FBXL4: variants seen among roughly 807,000 people sequenced by gnomAD.
The protein encoded by FBXL4 is F-box/LRR-repeat protein 4.
In FBXL4, 40 loss-of-function variants were observed where a neutral mutation model predicts 58.9. The ratio of observed to expected loss-of-function variants is 0.68; its 90% CI spans 0.53 to 0.88. The LOEUF (loss-of-function observed/expected upper bound fraction) is 0.88. Ranked by LOEUF, FBXL4 falls within the 40% of genes least tolerant of loss-of-function variation. The pLI is 0.00. For missense variants in FBXL4, 676 were observed against 734.4 expected (o/e 0.92, Z 0.92); for synonymous variants, 263 against 265.5 (o/e 0.99, Z 0.09).
rs1460367020 is a variant in FBXL4, at chr6:98,873,712, T to C, written c.*566A>G. On this transcript the variant is annotated 3_prime_UTR_variant, in exon 10 of 10. Coordinates refer to ENST00000369244, the MANE Select transcript of FBXL4 (RefSeq NM_001278716.2). ...GTAATCCTCCTGCCTCCACCTCCTG[T>C]GTCGCTAGGACTACAAGTGTGTGCC... 1 of 152,228 alleles carries C rather than the reference T, an allele frequency of 6.6e-6. No individual in the cohort carries two copies. Among genetic ancestry groups the C allele is most frequent in the Non-Finnish European group, 1.5e-5 (1 of 68,114 alleles). The allele number at this position is 152,228 out of a possible 1,614,324, so 9.4% of individuals were successfully genotyped here. A position where few individuals can be genotyped will look rare whatever the true frequency, so the allele number is the denominator to read the frequency against.
chr6:98,935,169 ACTTT>A (rs141547053), intron 1 of FBXL4, among the ~76,000 whole-genome samples: 1,979 of 152,284 alleles, frequency 0.013, 35 homozygotes, highest in African/African-American at 0.045. Context: ...TCTTTCCTAG[ACTTT>A]CTTTAACAAG....
At chr6:98,885,164 C>T (rs1009827844) in intron 7 of FBXL4, among the ~76,000 whole-genome samples, 1 of 152,136 alleles carries the variant, frequency 6.6e-6, no homozygotes, top group South Asian at 2.1e-4. Flanking sequence ...AGTGTAGTGG[C>T]ACAATCTCAG....
chr6:98,890,538 CATGT>C (rs1160461595), intron 7 of FBXL4, among the ~76,000 whole-genome samples: 1 of 152,122 alleles, frequency 6.6e-6, no homozygotes, highest in Non-Finnish European at 1.5e-5. Context: ...GTGTAAAATA[CATGT>C]ATAAGTGTAA....
intron 8 of FBXL4, among the ~76,000 whole-genome samples, chr6:98,879,691 CCCAA>C (rs879881847): frequency 0.049 from 7,467 of 151,814 alleles, 254 homozygotes; most frequent in Middle Eastern, 0.12. Context: ...GACCAGCCTA[CCCAA>C]TATGGTGAAA....
At chr6:98,942,759 T>C (rs1429161828) in intron 1 of FBXL4, among the ~76,000 whole-genome samples, 1 of 151,984 alleles carries the variant, frequency 6.6e-6, no homozygotes, top group Non-Finnish European at 1.5e-5. Flanking sequence ...ATTACAACTA[T>C]AGAAAAGAAA....
chr6:98,942,538 C>T (rs1466848576), intron 1 of FBXL4, among the ~76,000 whole-genome samples: 2 of 152,038 alleles, frequency 1.3e-5, no homozygotes, highest in African/African-American at 2.4e-5. Context: ...GCGCATCCCC[C>T]ACTCTCTTCC....
chr6:98,895,164 G>T (rs1771368501), intron 7 of FBXL4, among the ~76,000 whole-genome samples: 1 of 152,112 alleles, frequency 6.6e-6, no homozygotes, highest in South Asian at 2.1e-4. Context: ...TTGAGAGTAG[G>T]CCTATATAAA....
chr6:98,892,868 A>G (rs968618861), intron 7 of FBXL4, among the ~76,000 whole-genome samples: 1 of 152,222 alleles, frequency 6.6e-6, no homozygotes, highest in Non-Finnish European at 1.5e-5. Context: ...ACTGTCATAT[A>G]CTAGTCCCCC....
intron 7 of FBXL4, among the ~76,000 whole-genome samples, chr6:98,894,260 A>G (rs879042497): frequency 2.6e-4 from 40 of 152,324 alleles, no homozygotes; most frequent in African/African-American, 9.1e-4. Context: ...ATCGTACCTA[A>G]TAAGAATCTT....
intron 5 of FBXL4, among the ~76,000 whole-genome samples, chr6:98,911,108 T>C (rs1006149145): frequency 7.9e-5 from 12 of 152,086 alleles, no homozygotes; most frequent in Non-Finnish European, 1.2e-4. Context: ...AACTGCAAGG[T>C]GGCAGCCTGG....
At chr6:98,943,399 C>T (rs1226122986) in intron 1 of FBXL4, among the ~76,000 whole-genome samples, 1 of 151,418 alleles carries the variant, frequency 6.6e-6, no homozygotes, top group African/African-American at 2.4e-5. Context: ...ATGGTGAAGC[C>T]CCATCTCTAC....
At chr6:98,911,673 A>G (rs1014278302) in intron 5 of FBXL4, among the ~76,000 whole-genome samples, 16 of 152,192 alleles carry the variant, frequency 1.1e-4, no homozygotes, top group African/African-American at 3.9e-4. Context: ...CCAAAAACCC[A>G]TCTGTACATC....
intron 5 of FBXL4, among the ~76,000 whole-genome samples, chr6:98,907,198 T>C (rs11969652): frequency 0.013 from 1,984 of 152,290 alleles, 35 homozygotes; most frequent in African/African-American, 0.046. Flanking sequence ...AAAGAGAGTC[T>C]AGTGGCAAAG....
intron 7 of FBXL4, chr6:98,897,128 C>T: frequency 1.0e-6 from 1 of 982,074 alleles, no homozygotes; most frequent in South Asian, 4.7e-5. Flanking sequence ...ATTATGCCTG[C>T]TATATTTCTT....
At position 98,903,307 on chromosome 6, in the gene FBXL4, A is replaced by G. The variant is rs149589969; in HGVS notation, c.1103+2119T>C. ...CAGCAGTCAAGTCATGGGGGCCAAC[A>G]GTAATCAGTAGGCAAAACTCCAATA... On this transcript the variant is annotated intron_variant, in intron 6 of 9. Coordinates refer to ENST00000369244, the MANE Select transcript of FBXL4 (RefSeq NM_001278716.2). Among the ~76,000 whole-genome samples, 7 of 152,272 alleles carry G rather than the reference A, an allele frequency of 4.6e-5. 1 individual carries two copies. Among genetic ancestry groups the G allele is most frequent in the African/African-American group, 1.7e-4 (7 of 41,572 alleles).
At chr6:98,893,133 AC>A (rs1771286328) in intron 7 of FBXL4, among the ~76,000 whole-genome samples, 1 of 152,168 alleles carries the variant, frequency 6.6e-6, no homozygotes, top group African/African-American at 2.4e-5. Flanking sequence ...ACAGGTTCAA[AC>A]TTCTAAAACT....
chr6:98,915,057 C>T (rs1562238340), intron 5 of FBXL4, among the ~76,000 whole-genome samples: 1 of 152,202 alleles, frequency 6.6e-6, no homozygotes, highest in Non-Finnish European at 1.5e-5. Context: ...CATGATTGAA[C>T]TCCCATTCAC....
At chr6:98,944,606 C>G (rs367784833) in intron 1 of FBXL4, among the ~76,000 whole-genome samples, 1 of 152,136 alleles carries the variant, frequency 6.6e-6, no homozygotes, top group Non-Finnish European at 1.5e-5. Context: ...CACTGACGGC[C>G]TTTATTTTTT....
In FBXL4 at chr6:98,872,904, C is replaced by T. The variant is rs2128373896; in HGVS notation, c.*1374G>A. ...GGGGTAAGTAATGGCATTTATCTTACAGGGTTGTTGTGAGAATTGAATTAG... is the reference window on the plus strand; with the variant it reads ...GGGGTAAGTAATGGCATTTATCTTATAGGGTTGTTGTGAGAATTGAATTAG... On this transcript the variant is annotated 3_prime_UTR_variant, in exon 10 of 10. Coordinates refer to ENST00000369244, the MANE Select transcript of FBXL4 (RefSeq NM_001278716.2). 1 of 152,240 alleles carries T rather than the reference C, an allele frequency of 6.6e-6. No individual in the cohort carries two copies. The highest frequency in any genetic ancestry group is 1.9e-4 in the East Asian group (1 of 5,184). 9.4% of individuals were successfully genotyped at this position (152,240 alleles called of 1,614,324 possible).
Sources: allele counts gnomAD v4.1 joint callset (sites outside exome capture counted in the v4.1 genomes callset), GRCh38; gene constraint gnomAD v4.1.1; transcripts MANE v1.5; gene names NCBI Gene and HGNC (gene_info 2026-07-23, HGNC 2026-07-21).